Variants in EPHB2 observed in about 807,000 individuals in gnomAD.
The protein encoded by EPHB2 is EPH receptor B2.
In EPHB2, 18 loss-of-function variants were observed where a neutral mutation model predicts 96.4. The observed-to-expected ratio is 0.19, with a 90% CI of 0.13 to 0.28. The LOEUF (loss-of-function observed/expected upper bound fraction) is 0.28, where lower values mean the gene tolerates loss of function less well. Among genes scored for constraint, EPHB2 ranks in the 10% least tolerant of loss-of-function variants. EPHB2 has a pLI of 1.00. For missense variants in EPHB2, 989 were observed against 1,355.4 expected (o/e 0.73, Z 4.25); for synonymous variants, 506 against 534.1 (o/e 0.95, Z 0.72).
chr1:22,791,162 A>C (rs1164411461), intron 3 of EPHB2, among the ~76,000 whole-genome samples: 1 of 152,084 alleles, frequency 6.6e-6, no homozygotes, highest in Non-Finnish European at 1.5e-5. Flanking sequence ...TTTTATGAAC[A>C]CTGTCTTTGC....
At chr1:22,843,958 G>A (rs1260612568) in intron 3 of EPHB2, among the ~76,000 whole-genome samples, 1 of 152,260 alleles carries the variant, frequency 6.6e-6, no homozygotes, top group Non-Finnish European at 1.5e-5. Context: ...ATGGCCTCCA[G>A]CTCCATCCAC....
chr1:22,718,531 T>C (rs1467305803), intron 1 of EPHB2, among the ~76,000 whole-genome samples: 1 of 151,896 alleles, frequency 6.6e-6, no homozygotes, highest in African/African-American at 2.4e-5. Context: ...GGATTACAGA[T>C]GCCTGCCACC....
At chr1:22,893,268 A>G (rs907397863) in intron 7 of EPHB2, among the ~76,000 whole-genome samples, 1 of 151,954 alleles carries the variant, frequency 6.6e-6, no homozygotes, top group African/African-American at 2.4e-5. Context: ...CTTTCCCAGG[A>G]CTCTGGGGAG....
intron 9 of EPHB2, 98 bp from the exon 10 acceptor site, chr1:22,905,889 G>A (rs559576493): frequency 1.3e-6 from 2 of 1,592,654 alleles, no homozygotes; most frequent in African/African-American, 1.3e-5. Context: ...GGGCCACATG[G>A]GAGTGGATTT....
At chr1:22,839,705 G>A (rs1645438070) in intron 3 of EPHB2, among the ~76,000 whole-genome samples, 1 of 152,166 alleles carries the variant, frequency 6.6e-6, no homozygotes, top group African/African-American at 2.4e-5. Context: ...AGGTGTCTGA[G>A]GATGAAGGAC....
In EPHB2 at chr1:22,784,784, C is replaced by A. The variant is rs932216871; in HGVS notation, c.519C>A (p.Gly173=). The A allele has an allele frequency of 3.1e-6, 5 of 1,606,290 alleles. No individual in the cohort carries two copies. In the South Asian group the frequency reaches 5.5e-5, roughly 18 times the overall value. ...VRSFGPVSRS[G]FYLAFQDYGG... ...GCTTCGGACCTGTGTCCCGCAGCGGCTTCTACCTGGCCTTCCAGGACTATG... is the reference window on the plus strand; with the variant it reads ...GCTTCGGACCTGTGTCCCGCAGCGGATTCTACCTGGCCTTCCAGGACTATG... Residue 173 remains glycine, a synonymous_variant, in exon 3 of 16, where the codon GGC becomes GGA. Transcript: ENST00000374630. The surrounding 1 kb of genome is among the most constrained non-coding windows in gnomAD (Gnocchi z 5.1).
At chr1:22,885,068 G>A (rs1406571735) in intron 6 of EPHB2, among the ~76,000 whole-genome samples, 2 of 152,110 alleles carry the variant, frequency 1.3e-5, no homozygotes, top group African/African-American at 2.4e-5. Flanking sequence ...GCTGTGGGTG[G>A]TGTGAGGGAA....
At chr1:22,826,852 T>C (rs1645231990) in intron 3 of EPHB2, among the ~76,000 whole-genome samples, 2 of 152,242 alleles carry the variant, frequency 1.3e-5, no homozygotes, top group East Asian at 3.9e-4. Context: ...CTTCCAGCAA[T>C]GCTGGAGCCA....
chr1:22,908,681 GC>G (rs1639995123), intron 12 of EPHB2, among the ~76,000 whole-genome samples: 1 of 152,194 alleles, frequency 6.6e-6, no homozygotes, highest in Non-Finnish European at 1.5e-5. Context: ...GTGCAAGTAG[GC>G]AAGTCACTTG....
At chr1:22,780,383 G>A (rs72880952) in intron 1 of EPHB2, among the ~76,000 whole-genome samples, 3 of 152,210 alleles carry the variant, frequency 2.0e-5, no homozygotes, top group Admixed American at 1.3e-4. Flanking sequence ...CCATGTGACA[G>A]TTGGCCCCTA....
rs1297464698 is a variant in EPHB2 at position 22,770,298 on chromosome 1, T to A, written c.62-11123T>A. 2.6e-5 allele frequency among the ~76,000 whole-genome samples: 4 copies of A among 152,162 alleles called. No individual in the cohort carries two copies. The South Asian group carries it at 8.3e-4, about 32-fold the overall frequency. ...ATGGATGAGTGGGCGTATGGGTCAA[T>A]GGGTGAATGAATAAACAGTAAATTT... is the stretch of plus-strand genomic sequence containing the variant. On this transcript the variant is annotated intron_variant, in intron 1 of 15. Transcript: ENST00000374630.
intron 1 of EPHB2, among the ~76,000 whole-genome samples, chr1:22,742,858 G>T (rs531728682): frequency 2.6e-5 from 4 of 151,734 alleles, no homozygotes; most frequent in Admixed American, 2.6e-4. Flanking sequence ...CAGGGTCCTT[G>T]TTCTGTTTCT....
chr1:22,748,862 T>A (rs1644016638), intron 1 of EPHB2, among the ~76,000 whole-genome samples: 1 of 149,564 alleles, frequency 6.7e-6, no homozygotes, highest in African/African-American at 2.5e-5. Context: ...GTTTTTGCCT[T>A]TGAAAGTAAT....
At chr1:22,891,784 CT>C (rs1182545836) in intron 6 of EPHB2, among the ~76,000 whole-genome samples, 7 of 110,304 alleles carry the variant, frequency 6.3e-5, no homozygotes, top group Admixed American at 9.8e-5. Flanking sequence ...AGTCTGGTTT[CT>C]TTTTTTTTTG....
chr1:22,798,847 T>C (rs1463931214), intron 3 of EPHB2, among the ~76,000 whole-genome samples: 1 of 151,966 alleles, frequency 6.6e-6, no homozygotes, highest in Non-Finnish European at 1.5e-5. Context: ...AGGAGCAGGA[T>C]GAGAAGGGAG....
At chr1:22,857,729 G>C (rs949995088) in intron 3 of EPHB2, among the ~76,000 whole-genome samples, 7 of 152,144 alleles carry the variant, frequency 4.6e-5, no homozygotes, top group African/African-American at 1.7e-4. Context: ...GTGGTACCCA[G>C]ACAGGCACAG....
Position 22,784,991 on chromosome 1 carries a change from C to T in EPHB2, c.726C>T (p.Asn242=), listed in dbSNP as rs768617454. ...ATGTACCCATCAAGCTCTACTGTAA[C>T]GGGGACGGCGAGTGGCTGGTGCCCA... is the stretch of plus-strand genomic sequence containing the variant. ...EVDVPIKLYC[N]GDGEWLVPIG... is the part of the protein sequence containing the mutation. The change falls in exon 3 of 16, where the codon AAC becomes AAT. Residue 242 remains asparagine (N), a synonymous_variant. Transcript: ENST00000374630. The surrounding 1 kb of genome is among the most constrained non-coding windows in gnomAD (Gnocchi z 5.1). 30 of 1,613,926 alleles carry T rather than the reference C, an allele frequency of 1.9e-5. No individual in the cohort carries two copies. Among genetic ancestry groups the T allele is most frequent in the East Asian group, 8.9e-5 (4 of 44,896 alleles).
At chr1:22,862,201 G>A (rs531728490) in intron 3 of EPHB2, among the ~76,000 whole-genome samples, 30 of 152,376 alleles carry the variant, frequency 2.0e-4, no homozygotes, top group African/African-American at 7.2e-4. Context: ...CAGAGCTACA[G>A]TGGGGGTGGA....
At chr1:22,812,045 C>A (rs148824008) in intron 3 of EPHB2, among the ~76,000 whole-genome samples, 185 of 152,310 alleles carry the variant, frequency 1.2e-3, no homozygotes, top group Non-Finnish European at 2.0e-3. Context: ...TCTCAAAAAA[C>A]GAAATAAAAA....
Sources: gnomAD v4.1 joint callset for allele counts (sites outside exome capture counted in the v4.1 genomes callset) on GRCh38, gnomAD v4.1.1 for gene constraint, Gnocchi (gnomAD v3.1) non-coding constraint, MANE v1.5 for transcripts, NCBI Gene and HGNC (gene_info 2026-07-23, HGNC 2026-07-21) for gene names.